The following NME9 variants were observed in gnomAD, a reference collection of about 807,000 sequenced individuals.
NME9 encodes NME/NM23 family member 9.
Under a neutral mutation model 44.4 loss-of-function variants are expected in NME9, and 48 were observed. The ratio of observed to expected loss-of-function variants is 1.08; its 90% confidence interval spans 0.86 to 1.37. The LOEUF is 1.37. Among genes scored for constraint, NME9 ranks in the 40% most tolerant of loss-of-function variants. The probability of loss-of-function intolerance (pLI) is 0.00; values close to 1 mark genes in which losing one functional copy is unlikely to be tolerated. For missense variants in NME9, 325 were observed against 405.2 expected (o/e 0.80, Z 1.70); for synonymous variants, 139 against 147.1 (o/e 0.94, Z 0.40).
chr3:138,262,613 AT>A lies in NME9; in HGVS notation c.746-28del, dbSNP rs140978932. The stretch of plus-strand genomic sequence containing the variant: ...TGAGGAGATTAAAAAAAAAAAAAAA[AT>A]TTAGGTGCCTAGCCCTGACCCTGGA... On this transcript the variant is annotated intron_variant, in intron 8 of 8. Transcript: ENST00000317876. 3.4e-3 allele frequency: 5,008 copies of A among 1,486,142 alleles called. 1 individual carries two copies. Among genetic ancestry groups the A allele is most frequent in the South Asian group, 0.018 (1,306 of 74,050 alleles). 92.1% of individuals were successfully genotyped at this position (1,486,142 alleles called of 1,614,324 possible). A position where few individuals can be genotyped will look rare whatever the true frequency, so the allele number is the denominator to read the frequency against.
chr3:138,302,565 C>G (rs899902390), intron 10 of NME9, among the ~76,000 whole-genome samples: 1 of 152,194 alleles, frequency 6.6e-6, no homozygotes, highest in African/African-American at 2.4e-5. Context: ...AGCCACACTT[C>G]CCAAGAGTTC....
At chr3:138,288,842 T>A (rs1273022225) in intron 8 of NME9, among the ~76,000 whole-genome samples, 1 of 152,078 alleles carries the variant, frequency 6.6e-6, no homozygotes, top group Non-Finnish European at 1.5e-5. Context: ...TTCACTGTGT[T>A]AATCATCCTA....
At position 138,279,996 on chromosome 3, in the gene NME9, C is replaced by T. The variant is rs774263550; in HGVS notation, c.746-17410G>A. ...TCGGCTCACTGCAACCTCTGCCTCC[C>T]GGGTTCAAACCTTTCTCCTGCCTCC... On this transcript the variant is annotated intron_variant, in intron 8 of 8. Coordinates refer to the NME9 transcript ENST00000317876. Among the ~76,000 whole-genome samples the T allele has an allele frequency of 4.6e-5, 7 of 151,876 alleles. No homozygotes were observed. In the East Asian group the frequency reaches 5.8e-4, roughly 13 times the overall value.
intron 8 of NME9, chr3:138,263,765 C>T (rs2047987221): frequency 6.2e-7 from 1 of 1,613,978 alleles, no homozygotes; most frequent in East Asian, 2.2e-5. Context: ...ATATGATGGA[C>T]CGAATTGTGA....
At chr3:138,262,297 G>A (rs908945857) in exon 9 of NME9, 1 of 469,100 alleles carries the variant, frequency 2.1e-6, no homozygotes, top group African/African-American at 2.0e-5. Flanking sequence ...AGTAAGAATG[G>A]AATTAGGTTT....
intron 2 of NME9, among the ~76,000 whole-genome samples, chr3:138,323,190 C>T (rs536273580): frequency 3.9e-5 from 6 of 152,094 alleles, no homozygotes; most frequent in African/African-American, 9.7e-5. Context: ...CCCGGGTGGG[C>T]GGATCATTTG....
chr3:138,324,464 C>T (rs750368419), intron 2 of NME9: 65 of 459,804 alleles, frequency 1.4e-4, no homozygotes, highest in Non-Finnish European at 1.7e-5. Context: ...TGAGGAGGCC[C>T]ATAGACAGTG....
rs938553824 is a variant in NME9 at position 138,315,613 on chromosome 3, C to T, written c.298G>A (p.Ala100Thr). Residue 100 changes from alanine (A) to threonine (T), a missense_variant, in exon 5 of 11, where the codon GCA becomes ACA. Coordinates refer to ENST00000333911, the MANE Select transcript of NME9 (RefSeq NM_001349018.2). ...GGELVAVVRG[A>T]NAPLLQKTIL... is the part of the protein sequence containing the mutation. ...GTTTTCTGCAGCAGTGGGGCATTTG[C>T]TCCTCTAACCACAGCCACCAGTTCT... 4.6e-6 allele frequency: 7 copies of T among 1,536,578 alleles called. No homozygotes were observed. The African/African-American group carries it at 9.6e-5, about 21-fold the overall frequency.
intron 8 of NME9, among the ~76,000 whole-genome samples, chr3:138,268,136 G>A (rs1479418884): frequency 3.3e-5 from 5 of 151,998 alleles, no homozygotes; most frequent in African/African-American, 7.3e-5. Flanking sequence ...CCAGCTACTC[G>A]GGAGGCTGAG....
intron 10 of NME9, chr3:138,303,207 C>T (rs2051965356): frequency 3.9e-6 from 1 of 254,460 alleles, no homozygotes; most frequent in African/African-American, 2.2e-5. Context: ...ATGAAATTTT[C>T]CCAATGGTTT....
chr3:138,295,077 T>C (rs1446434379), intron 8 of NME9, among the ~76,000 whole-genome samples: 1 of 152,118 alleles, frequency 6.6e-6, no homozygotes, highest in African/African-American at 2.4e-5. Context: ...TTTTGTATTT[T>C]TGGTAGAAAC....
chr3:138,329,411 G>A lies in NME9; in HGVS notation c.-76C>T. On this transcript the variant is annotated 5_prime_UTR_variant, in exon 1 of 11. The change creates a new upstream start codon in the 5' untranslated region. Transcript: ENST00000333911. ...CCGCAGCCTCGCGACAAACCGCTGC[G>A]TGGATCAGCAAGCCCAGAGCCTCCT... 2 of 1,534,402 alleles carry A rather than the reference G, an allele frequency of 1.3e-6. No individual in the cohort carries two copies. The highest frequency in any genetic ancestry group is 1.7e-6 in the Non-Finnish European group (2 of 1,146,068).
At chr3:138,281,367 A>G (rs2049911401) in intron 8 of NME9, among the ~76,000 whole-genome samples, 1 of 150,390 alleles carries the variant, frequency 6.6e-6, no homozygotes, top group African/African-American at 2.5e-5. Context: ...ATATCGGCTC[A>G]CTGCAACCTT....
At chr3:138,292,694 C>T (rs901702110) in intron 8 of NME9, among the ~76,000 whole-genome samples, 2 of 152,022 alleles carry the variant, frequency 1.3e-5, no homozygotes, top group African/African-American at 4.8e-5. Context: ...GGTATGCCAG[C>T]GTTAAGATGC....
At chr3:138,271,688 C>T (rs1457946661) in intron 8 of NME9, among the ~76,000 whole-genome samples, 1 of 152,074 alleles carries the variant, frequency 6.6e-6, no homozygotes, top group African/African-American at 2.4e-5. Context: ...TGCTGCCTCA[C>T]ATTATTATGT....
chr3:138,279,629 A>G (rs568895825), intron 8 of NME9, among the ~76,000 whole-genome samples: 1 of 152,234 alleles, frequency 6.6e-6, no homozygotes, highest in South Asian at 2.1e-4. Flanking sequence ...TTTTTCTTCA[A>G]TTTTGATGGA....
At chr3:138,310,560 A>T (rs144161895) in intron 6 of NME9, among the ~76,000 whole-genome samples, 2 of 152,302 alleles carry the variant, frequency 1.3e-5, no homozygotes, top group East Asian at 1.9e-4. Context: ...GAAATCATAT[A>T]TATCTTTTCT....
chr3:138,293,979 A>C (rs941909725), intron 8 of NME9, among the ~76,000 whole-genome samples: 40 of 152,168 alleles, frequency 2.6e-4, no homozygotes, highest in African/African-American at 9.4e-4. Flanking sequence ...AGTCCATCTA[A>C]GAAAGGGTGA....
intron 8 of NME9, among the ~76,000 whole-genome samples, chr3:138,275,315 T>C (rs556632328): frequency 8.5e-5 from 13 of 152,292 alleles, no homozygotes; most frequent in African/African-American, 3.1e-4. Context: ...CCCAGCACTT[T>C]GGGAGGCCGA....
Sources: allele counts gnomAD v4.1 joint callset (sites outside exome capture counted in the v4.1 genomes callset), GRCh38; gene constraint gnomAD v4.1.1; transcripts MANE v1.5; gene names NCBI Gene and HGNC (gene_info 2026-07-23, HGNC 2026-07-21).